WDPCP: variants seen among roughly 807,000 people sequenced by gnomAD.
WDPCP encodes the protein WD repeat-containing and planar cell polarity effector protein fritz homolog.
WDPCP carries 71 observed loss-of-function variants against 93.1 expected under a neutral mutation model. The ratio of observed to expected loss-of-function variants is 0.76; its 90% CI spans 0.63 to 0.93. The LOEUF is 0.93. WDPCP is among the 40% of genes least tolerant of loss of function. The pLI is 0.00. For missense variants in WDPCP, 844 were observed against 887.4 expected (o/e 0.95, Z 0.62); for synonymous variants, 315 against 315.0 (o/e 1.00, Z 0.00).
At chr2:63,532,329 G>A (rs1703920215) in intron 1 of WDPCP, among the ~76,000 whole-genome samples, 1 of 152,154 alleles carries the variant, frequency 6.6e-6, no homozygotes, top group Non-Finnish European at 1.5e-5. Flanking sequence ...TAGTGAGGCA[G>A]GCCAACATTC....
At chr2:63,699,182 T>A (rs781452205) in intron 2 of WDPCP, among the ~76,000 whole-genome samples, 1 of 152,186 alleles carries the variant, frequency 6.6e-6, no homozygotes, top group Non-Finnish European at 1.5e-5. Context: ...GCAGCCACTG[T>A]CTTTCACCCA....
At chr2:63,305,927 C>T (rs1685698321) in intron 13 of WDPCP, among the ~76,000 whole-genome samples, 1 of 152,114 alleles carries the variant, frequency 6.6e-6, no homozygotes, top group African/African-American at 2.4e-5. Context: ...GATAGAGACA[C>T]AAATGACCCT....
At chr2:63,786,749 C>T (rs572611704) in intron 2 of WDPCP, among the ~76,000 whole-genome samples, 2 of 152,208 alleles carry the variant, frequency 1.3e-5, no homozygotes, top group African/African-American at 4.8e-5. Flanking sequence ...ATCCAAATTG[C>T]ATGCATTGAT....
intron 13 of WDPCP, among the ~76,000 whole-genome samples, chr2:63,312,684 G>A (rs915604499): frequency 1.3e-5 from 2 of 152,130 alleles, no homozygotes; most frequent in Non-Finnish European, 2.9e-5. Flanking sequence ...CAGAGTACAA[G>A]GATTTGTAAG....
chr2:63,399,018 T>A (rs973439360), intron 10 of WDPCP, among the ~76,000 whole-genome samples: 2 of 152,116 alleles, frequency 1.3e-5, no homozygotes, highest in Non-Finnish European at 2.9e-5. Flanking sequence ...AGGAATCTAC[T>A]CTTCCGAGGA....
chr2:63,144,069 A>T (rs950102496), intron 17 of WDPCP, among the ~76,000 whole-genome samples: 27 of 152,270 alleles, frequency 1.8e-4, no homozygotes, highest in African/African-American at 6.3e-4. Flanking sequence ...TTCCTCAGGA[A>T]CACTGATTAT....
At chr2:63,582,963 A>C (rs1240615567) in intron 1 of WDPCP, among the ~76,000 whole-genome samples, 2 of 152,168 alleles carry the variant, frequency 1.3e-5, no homozygotes, top group African/African-American at 2.4e-5. Context: ...TTAGAAATAC[A>C]GATCTATAAA....
intron 15 of WDPCP, among the ~76,000 whole-genome samples, chr2:63,165,366 A>G (rs531513451): frequency 7.9e-5 from 12 of 152,126 alleles, no homozygotes; most frequent in Non-Finnish European, 1.6e-4. Flanking sequence ...TGGTAACACT[A>G]AAACAACCTT....
intron 2 of WDPCP, among the ~76,000 whole-genome samples, chr2:63,678,066 C>T (rs1359951007): frequency 2.6e-5 from 4 of 152,070 alleles, no homozygotes; most frequent in Non-Finnish European, 4.4e-5. Flanking sequence ...CTAAATAAAG[C>T]TTGAAAATAG....
At chr2:63,357,574 C>G (rs571329682) in intron 12 of WDPCP, among the ~76,000 whole-genome samples, 1 of 151,986 alleles carries the variant, frequency 6.6e-6, no homozygotes, top group Non-Finnish European at 1.5e-5. Flanking sequence ...ATCTCACAGT[C>G]AGAATGGCTA....
intron 12 of WDPCP, among the ~76,000 whole-genome samples, chr2:63,343,501 G>T (rs2104478219): frequency 6.6e-6 from 1 of 152,146 alleles, no homozygotes; most frequent in Non-Finnish European, 1.5e-5. Flanking sequence ...ATTTGGTTTT[G>T]ATTATAATGT....
At chr2:63,586,059 G>A (rs1435239833) in intron 1 of WDPCP, among the ~76,000 whole-genome samples, 3 of 151,930 alleles carry the variant, frequency 2.0e-5, no homozygotes, top group South Asian at 2.1e-4. Context: ...CAAACTCTTC[G>A]ACTCAAGCAG....
At chr2:63,249,264 G>A (rs1004767084) in intron 14 of WDPCP, among the ~76,000 whole-genome samples, 3 of 152,150 alleles carry the variant, frequency 2.0e-5, no homozygotes, top group Non-Finnish European at 4.4e-5. Flanking sequence ...TCTGAAATGT[G>A]TGTTGACTGG....
At chr2:63,455,170 C>T (rs992485052) in intron 6 of WDPCP, among the ~76,000 whole-genome samples, 11 of 151,482 alleles carry the variant, frequency 7.3e-5, no homozygotes, top group African/African-American at 2.4e-4. Context: ...AATGGTACCA[C>T]CACAGAAAAA....
intron 3 of WDPCP, among the ~76,000 whole-genome samples, chr2:63,644,240 C>G (rs912111139): frequency 2.5e-5 from 3 of 118,886 alleles, no homozygotes; most frequent in African/African-American, 1.0e-4. Context: ...TCTTTCTCCT[C>G]TACTTTTTTT....
intron 14 of WDPCP, among the ~76,000 whole-genome samples, chr2:63,207,396 T>G (rs1042499776): frequency 6.6e-6 from 1 of 152,106 alleles, no homozygotes. Flanking sequence ...ACCACCCTGA[T>G]TGTAAGTTTC....
chr2:63,661,943 T>C (rs1710231938), intron 2 of WDPCP, among the ~76,000 whole-genome samples: 1 of 152,098 alleles, frequency 6.6e-6, no homozygotes, highest in African/African-American at 2.4e-5. Flanking sequence ...ATGTTGTGCA[T>C]AGGGATCCAT....
Position 63,313,229 on chromosome 2 carries a change from A to C in WDPCP, c.1812+19T>G, listed in dbSNP as rs1331228646. ...GCCTTAGAACTGAAGGCACAAAATC[A>C]TCTCTGAAAATGACTCACCATAAAG... is the stretch of plus-strand genomic sequence containing the variant. On this transcript the variant is annotated intron_variant, in intron 13 of 17. Coordinates refer to ENST00000272321, the MANE Select transcript of WDPCP (RefSeq NM_015910.7). The C allele has an allele frequency of 6.2e-7, 1 of 1,612,196 alleles. No individual in the cohort carries two copies. Among genetic ancestry groups the C allele is most frequent in the African/African-American group, 1.3e-5 (1 of 74,874 alleles).
chr2:63,391,095 A>C (rs1014096950), intron 10 of WDPCP, among the ~76,000 whole-genome samples: 2 of 152,192 alleles, frequency 1.3e-5, no homozygotes, highest in Admixed American at 6.5e-5. Flanking sequence ...CAAAAAAGAG[A>C]ATTTTAGACC....
Sources: allele counts gnomAD v4.1 joint callset (sites outside exome capture counted in the v4.1 genomes callset), GRCh38; gene constraint gnomAD v4.1.1; transcripts MANE v1.5; gene names NCBI Gene and HGNC (gene_info 2026-07-23, HGNC 2026-07-21).